ACSL5: variants seen among roughly 807,000 people sequenced by gnomAD.
ACSL5 encodes long-chain-fatty-acid--CoA ligase 5.
In ACSL5, 50 loss-of-function variants were observed where a neutral mutation model predicts 84.9. That is an observed-to-expected ratio of 0.59 (90% CI 0.47 to 0.75). The LOEUF (loss-of-function observed/expected upper bound fraction) is 0.75, where lower values mean the gene tolerates loss of function less well. Ranked by LOEUF, ACSL5 falls within the 30% of genes least tolerant of loss-of-function variation. The probability of loss-of-function intolerance (pLI) is 0.00; values close to 1 mark genes in which losing one functional copy is unlikely to be tolerated. For missense variants in ACSL5, 775 were observed against 830.4 expected (o/e 0.93, Z 0.82); for synonymous variants, 280 against 300.7 (o/e 0.93, Z 0.71).
At position 112,411,906 on chromosome 10, in the gene ACSL5, C is replaced by T; in HGVS notation, c.875C>T (p.Ala292Val). ...TTACTTCCCTGGCCTACATAGCATG[C>T]TTATGAGCCCACTCCTGATGATGTG... ...AAAFLKCVEH[A>V]YEPTPDDVAI... The change falls in exon 11 of 21, where the codon GCT becomes GTT. Residue 292 changes from alanine (A) to valine (V), a missense_variant. Ala to Val is a moderately conservative substitution (Grantham distance 64, BLOSUM62 0). Transcript: ENST00000354655. The T allele has an allele frequency of 6.2e-7, 1 of 1,613,512 alleles. No homozygotes were observed. Among genetic ancestry groups the T allele is most frequent in the Non-Finnish European group, 8.5e-7 (1 of 1,179,412 alleles).
chr10:112,387,865 CTTA>C (rs1849483711), intron 1 of ACSL5, among the ~76,000 whole-genome samples: 3 of 150,138 alleles, frequency 2.0e-5, no homozygotes, highest in Admixed American at 6.6e-5. Flanking sequence ...CAATTTATGT[CTTA>C]TTATTGCACA....
chr10:112,379,812 C>G (rs571647149), intron 1 of ACSL5, among the ~76,000 whole-genome samples: 2 of 152,190 alleles, frequency 1.3e-5, no homozygotes, highest in South Asian at 2.1e-4. Context: ...GCAATGACAC[C>G]GTTGACAAGA....
At position 112,427,982 on chromosome 10, in the gene ACSL5, A is replaced by C. The variant is rs1343654608; in HGVS notation, c.*624A>C. 6.4e-6 allele frequency: 1 copy of C among 155,212 alleles called. No individual in the cohort carries two copies. Among genetic ancestry groups the C allele is most frequent in the East Asian group, 1.9e-4 (1 of 5,358 alleles). The allele number at this position is 155,212 out of a possible 1,614,324, so 9.6% of individuals were successfully genotyped here. A position where few individuals can be genotyped will look rare whatever the true frequency, so the allele number is the denominator to read the frequency against. ...ATACCAAACATTTCCTAAACTCTCT[A>C]GTTAGATATCTGACTTGGGAGTATT... On this transcript the variant is annotated 3_prime_UTR_variant, in exon 21 of 21. Transcript: ENST00000354655.
Position 112,410,628 on chromosome 10 carries a change from G to T in ACSL5, c.789G>T (p.Gly263=), listed in dbSNP as rs1284308631. The part of the protein sequence containing the change: ...EDLSVICFTS[G]TTGDPKGAMI... The stretch of plus-strand genomic sequence containing the variant: ...TGAGCGTCATCTGCTTCACCAGTGG[G>T]ACCACAGGTCTGTGCCCATGAAACT... The change falls in exon 9 of 21, where the codon GGG becomes GGT. Residue 263 remains glycine (G), a synonymous_variant. Transcript: ENST00000354655. 5.0e-6 allele frequency: 8 copies of T among 1,613,408 alleles called. No individual in the cohort carries two copies. The highest frequency in any genetic ancestry group is 6.8e-6 in the Non-Finnish European group (8 of 1,179,824).
In ACSL5 at chr10:112,411,536, G is replaced by T. The variant is rs1213979145; in HGVS notation, c.870+7G>T. 2 of 1,610,964 alleles carry T rather than the reference G, an allele frequency of 1.2e-6. No individual in the cohort carries two copies. Among genetic ancestry groups the T allele is most frequent in the African/African-American group, 2.7e-5 (2 of 74,820 alleles). The stretch of plus-strand genomic sequence containing the variant: ...CTTTCTCAAATGTGTGGAGGTCAGT[G>T]GTCAGTTGAAAAAGAGGCTCTCATT... On this transcript the variant is annotated splice_region_variant and intron_variant, in intron 10 of 20. Coordinates refer to ENST00000354655, the MANE Select transcript of ACSL5 (RefSeq NM_203379.2).
intron 7 of ACSL5, 65 bp downstream of exon 7, chr10:112,409,750 T>G: frequency 6.6e-7 from 1 of 1,509,626 alleles, no homozygotes; most frequent in Non-Finnish European, 9.2e-7. Context: ...ACTTGCAAGA[T>G]ACCTTCCCAA....
chr10:112,387,219 A>G (rs747288912), intron 1 of ACSL5, among the ~76,000 whole-genome samples: 2 of 152,220 alleles, frequency 1.3e-5, no homozygotes, highest in Non-Finnish European at 2.9e-5. Flanking sequence ...CTCATCTGTC[A>G]TATCCCTAGT....
chr10:112,421,940 G>C lies in ACSL5; in HGVS notation c.1388-7G>C, dbSNP rs751682830. 1.2e-6 allele frequency: 2 copies of C among 1,614,014 alleles called. No homozygotes were observed. The highest frequency in any genetic ancestry group is 3.3e-5 in the Admixed American group (2 of 60,020). On this transcript the variant is annotated splice_polypyrimidine_tract_variant and splice_region_variant and intron_variant, in intron 15 of 20. Transcript: ENST00000354655. ...TTTCTCAGCTAATTCAGCACGGTATGTTCTAGGTCACGTTGGGGTGCCCCT... is the reference window on the plus strand; with the variant it reads ...TTTCTCAGCTAATTCAGCACGGTATCTTCTAGGTCACGTTGGGGTGCCCCT...
chr10:112,417,749 A>G, intron 13 of ACSL5, 97 bp from the exon 14 acceptor site: 1 of 919,992 alleles, frequency 1.1e-6, no homozygotes, highest in Non-Finnish European at 1.8e-6. Flanking sequence ...TTTAATTCTC[A>G]TAACAACGCT....
rs1435610471 is a variant in ACSL5, at chr10:112,425,482, G to T, written c.1737+1G>T. 5.6e-6 allele frequency: 9 copies of T among 1,600,712 alleles called. No individual in the cohort carries two copies. The highest frequency in any genetic ancestry group is 1.7e-5 in the Admixed American group (1 of 57,808). On this transcript the variant is annotated splice_donor_variant, in intron 18 of 20. Transcript: ENST00000354655. LOFTEE classifies it high-confidence loss of function. ...TTTTGTACACGGGGAGAGCTTACGG[G>T]TAATATATCATTTTAACAATAGCCC... is the stretch of plus-strand genomic sequence containing the variant.
chr10:112,415,973 G>A (rs968079362), intron 12 of ACSL5, among the ~76,000 whole-genome samples: 1 of 152,216 alleles, frequency 6.6e-6, no homozygotes, highest in African/African-American at 2.4e-5. Flanking sequence ...GGGAGACCAG[G>A]GAAATCATGC....
intron 1 of ACSL5, among the ~76,000 whole-genome samples, chr10:112,385,196 C>A (rs372666556): frequency 1.7e-4 from 26 of 152,272 alleles, no homozygotes; most frequent in African/African-American, 5.1e-4. Context: ...TGGTGACAGC[C>A]TTAGAAAGGA....
rs376685912 is a variant in ACSL5 at position 112,421,728 on chromosome 10, G to C, written c.1387+63G>C. The C allele has an allele frequency of 1.5e-3, 2,206 of 1,519,992 alleles. 4 individuals carry two copies. The highest frequency in any genetic ancestry group is 1.7e-3 in the Non-Finnish European group (1,820 of 1,094,764). The allele number at this position is 1,519,992 out of a possible 1,614,324, so 94.2% of individuals were successfully genotyped here. A position where few individuals can be genotyped will look rare whatever the true frequency, so the allele number is the denominator to read the frequency against. On this transcript the variant is annotated intron_variant, in intron 15 of 20. Transcript: ENST00000354655. Reference sequence around the variant, plus strand: ...TGGGAGAAAGGTTCTAACTGAACTAGGACTTTGGAGTTTAGATAACTTCAG... The same window carrying C: ...TGGGAGAAAGGTTCTAACTGAACTACGACTTTGGAGTTTAGATAACTTCAG...
chr10:112,412,172 C>T, intron 11 of ACSL5, 193 bp downstream of exon 11: 1 of 608,368 alleles, frequency 1.6e-6, no homozygotes, highest in Non-Finnish European at 2.9e-6. Context: ...TCTGCTAAGT[C>T]TGCATGTGTC....
At chr10:112,411,623 C>CAT in intron 10 of ACSL5, 94 bp downstream of exon 10, 16 of 1,044,758 alleles carry the variant, frequency 1.5e-5, no homozygotes, top group South Asian at 4.2e-5. Flanking sequence ...CACACACACA[C>CAT]ACATACACAC....
Position 112,395,062 on chromosome 10 carries a change from T to A in ACSL5, c.116T>A (p.Leu39Ter). ...CTGATCACCAGACCTCAACCCGTCT[T>A]ACCTCTTCTTGACCTGAACAATCAG... ...LWLITRPQPV[L>*]PLLDLNNQSV... The change falls in exon 2 of 21, where the codon TTA becomes TAA. Residue 39 changes from leucine to a stop codon, truncating the protein, a stop_gained. Transcript: ENST00000354655. LOFTEE classifies it high-confidence loss of function. The A allele has an allele frequency of 6.8e-6, 11 of 1,614,118 alleles. No homozygotes were observed. The highest frequency in any genetic ancestry group is 9.3e-6 in the Non-Finnish European group (11 of 1,180,014).
intron 3 of ACSL5, among the ~76,000 whole-genome samples, chr10:112,403,003 G>T (rs1843942100): frequency 6.6e-6 from 1 of 152,188 alleles, no homozygotes; most frequent in African/African-American, 2.4e-5. Context: ...GAGTAGTTTA[G>T]ATATTCAGAA....
At chr10:112,412,425 T>G (rs779764492) in intron 11 of ACSL5, 1 of 161,926 alleles carries the variant, frequency 6.2e-6, no homozygotes, top group Admixed American at 5.9e-5. Context: ...CCCGCGCCGG[T>G]TTTTGCACAC....
At chr10:112,392,211 C>T (rs1279542788) in intron 1 of ACSL5, among the ~76,000 whole-genome samples, 1 of 152,216 alleles carries the variant, frequency 6.6e-6, no homozygotes, top group Non-Finnish European at 1.5e-5. Context: ...GTGGCTCACA[C>T]CTGTAATCCC....
Sources: gnomAD v4.1 joint callset for allele counts (sites outside exome capture counted in the v4.1 genomes callset) on GRCh38, gnomAD v4.1.1 for gene constraint, MANE v1.5 for transcripts, NCBI Gene and HGNC (gene_info 2026-07-23, HGNC 2026-07-21) for gene names.